Variants in MACF1 observed in about 807,000 individuals in gnomAD.
MACF1 encodes microtubule actin crosslinking factor 1.
A neutral mutation model predicts 854.8 loss-of-function variants in MACF1; 193 were observed. The observed-to-expected ratio is 0.23, with a 90% CI of 0.20 to 0.25. The LOEUF (loss-of-function observed/expected upper bound fraction) is 0.25. Ranked by LOEUF, MACF1 falls within the 10% of genes least tolerant of loss-of-function variation. MACF1 has a pLI of 1.00. For synonymous variants in MACF1, 3,185 were observed against 3,226.7 expected (o/e 0.99, Z 0.44); for missense variants, 7,722 against 8,929.1 (o/e 0.86, Z 5.45).
At chr1:39,177,145 T>C (rs1204436946) in intron 2 of MACF1, among the ~76,000 whole-genome samples, 1 of 152,138 alleles carries the variant, frequency 6.6e-6, no homozygotes, top group Non-Finnish European at 1.5e-5. Flanking sequence ...TTTTATTTAT[T>C]TATTTTTGAG....
Position 39,460,636 on chromosome 1 carries a change from A to G in MACF1, c.21365A>G (p.Lys7122Arg), listed in dbSNP as rs1404154763. Residue 7122 changes from lysine (K) to arginine (R), a missense_variant, in exon 92 of 101, where the codon AAA (lysine) becomes AGA (arginine). Around this residue, in one of 15 missense-constraint regions of MACF1, gnomAD observed 729 missense variants for 900.5 expected, o/e 0.81. Transcript: ENST00000564288. The surrounding 1 kb of genome is among the most constrained non-coding windows in gnomAD (Gnocchi z 4.1). ...NDALDRLEEL[K>R]EFANFDFDVW... is the part of the protein sequence containing the mutation. The stretch of plus-strand genomic sequence containing the variant: ...ACACTTCTGATTTCTGTGTAGTTGA[A>G]AGAATTTGCCAACTTTGACTTTGAT... 6.2e-7 allele frequency: 1 copy of G among 1,614,156 alleles called. No homozygotes were observed. The highest frequency in any genetic ancestry group is 1.7e-5 in the Admixed American group (1 of 60,018).
intron 2 of MACF1, among the ~76,000 whole-genome samples, chr1:39,109,900 G>A (rs987596287): frequency 6.6e-6 from 1 of 152,128 alleles, no homozygotes; most frequent in Non-Finnish European, 1.5e-5. Context: ...AGTTTCTGAA[G>A]TATAGTCACA....
chr1:39,276,243 C>G (rs899127352), intron 6 of MACF1, among the ~76,000 whole-genome samples: 3 of 152,124 alleles, frequency 2.0e-5, no homozygotes, highest in Non-Finnish European at 4.4e-5. Flanking sequence ...TGAAAGTTTT[C>G]AAGGTCTGAT....
At chr1:39,226,435 G>A (rs1224653934) in intron 1 of MACF1, among the ~76,000 whole-genome samples, 1 of 151,934 alleles carries the variant, frequency 6.6e-6, no homozygotes, top group Non-Finnish European at 1.5e-5. Flanking sequence ...CCGCCTCCCA[G>A]GTTGAAGCAG....
intron 2 of MACF1, among the ~76,000 whole-genome samples, chr1:39,161,032 A>T (rs775022584): frequency 2.0e-5 from 3 of 152,162 alleles, no homozygotes; most frequent in Non-Finnish European, 4.4e-5. Context: ...GAGACATTGT[A>T]CAAGTTTTTG....
chr1:39,485,931 T>C lies in MACF1; in HGVS notation c.*137T>C. On this transcript the variant is annotated 3_prime_UTR_variant, in exon 101 of 101. Transcript: ENST00000564288. The stretch of plus-strand genomic sequence containing the variant: ...TTGTGTTATGAAGCTGCCTTATTTT[T>C]TTTCTTTTTGTAAGTTACTATTTTC... The C allele has an allele frequency of 9.4e-7, 1 of 1,063,738 alleles. No individual in the cohort carries two copies. Among genetic ancestry groups the C allele is most frequent in the Non-Finnish European group, 1.2e-6 (1 of 818,856 alleles). 65.9% of individuals were successfully genotyped at this position (1,063,738 alleles called of 1,614,324 possible). A position where few individuals can be genotyped will look rare whatever the true frequency, so the allele number is the denominator to read the frequency against.
intron 1 of MACF1, among the ~76,000 whole-genome samples, chr1:39,217,002 C>G (rs1040246554): frequency 6.6e-6 from 1 of 152,104 alleles, no homozygotes; most frequent in Non-Finnish European, 1.5e-5. Context: ...ATTGCTTAAC[C>G]TTTCTCTAGC....
intron 58 of MACF1, among the ~76,000 whole-genome samples, chr1:39,393,195 A>AT (rs1557627928): frequency 0.065 from 6,117 of 93,870 alleles, 157 homozygotes; most frequent in East Asian, 0.14. Flanking sequence ...AAAAAAAAAA[A>AT]AATATATATA....
In MACF1 at chr1:39,171,223, GTGTGTA is replaced by G. The variant is rs1054435912; in HGVS notation, c.221-59953_221-59948del. Among the ~76,000 whole-genome samples, 8 of 151,898 alleles carry G rather than the reference GTGTGTA, an allele frequency of 5.3e-5. No individual in the cohort carries two copies. In the East Asian group the frequency reaches 7.7e-4, roughly 15 times the overall value. ...TCTGTTTGTGTGTGTGTGTGTGTGT[GTGTGTA>G]TGTGTGTGTGTATTTTTCTCCCGAT... is the stretch of plus-strand genomic sequence containing the variant. On this transcript the variant is annotated intron_variant, in intron 2 of 93. Coordinates refer to the MACF1 transcript ENST00000361689.
chr1:39,313,787 T>C (rs1646350771), intron 26 of MACF1, among the ~76,000 whole-genome samples: 1 of 152,068 alleles, frequency 6.6e-6, no homozygotes, highest in African/African-American at 2.4e-5. Context: ...TTCTTTCTCT[T>C]TTTTTTAAAT....
intron 1 of MACF1, among the ~76,000 whole-genome samples, chr1:39,221,803 G>A (rs1302063306): frequency 6.6e-6 from 1 of 152,140 alleles, no homozygotes; most frequent in Non-Finnish European, 1.5e-5. Flanking sequence ...GTCTGTCACT[G>A]GAGACTTCTA....
intron 1 of MACF1, among the ~76,000 whole-genome samples, chr1:39,210,714 C>T (rs966379451): frequency 3.9e-5 from 6 of 152,074 alleles, no homozygotes; most frequent in African/African-American, 1.2e-4. Flanking sequence ...TGATTCAGTT[C>T]GATCATCTGG....
intron 2 of MACF1, among the ~76,000 whole-genome samples, chr1:39,133,209 G>C (rs1451980833): frequency 6.6e-6 from 1 of 152,162 alleles, no homozygotes; most frequent in Non-Finnish European, 1.5e-5. Flanking sequence ...TTCCACCCTG[G>C]GGCTGGGGGT....
At chr1:39,376,932 T>A (rs1649775318) in intron 52 of MACF1, among the ~76,000 whole-genome samples, 1 of 152,054 alleles carries the variant, frequency 6.6e-6, no homozygotes, top group African/African-American at 2.4e-5. Context: ...TCGTGTTGCC[T>A]AGGCTGGTCT....
At chr1:39,134,979 A>C (rs77926854) in intron 2 of MACF1, among the ~76,000 whole-genome samples, 2,506 of 152,046 alleles carry the variant, frequency 0.016, 72 homozygotes, top group African/African-American at 0.058. Flanking sequence ...CCACAATTCT[A>C]CTTTCTGTTT....
At position 39,287,512 on chromosome 1, in the gene MACF1, G is replaced by C; in HGVS notation, c.1735G>C (p.Gly579Arg). 6.2e-7 allele frequency: 1 copy of C among 1,614,190 alleles called. No individual in the cohort carries two copies. ...GGCCATCAGCTCCTCTGAAGATGAA[G>C]GCAATCTCCGATTTGTGTATGAACT... ...LVAISSSEDE[G>R]NLRFVYELLS... The change falls in exon 15 of 101, where the codon GGC becomes CGC. Residue 579 changes from glycine to arginine, a missense_variant. Gly to Arg is a moderately radical substitution (Grantham distance 125, BLOSUM62 -2). Coordinates refer to ENST00000564288, the MANE Select transcript of MACF1 (RefSeq NM_001394062.1).
chr1:39,274,637 G>C (rs551625066), intron 6 of MACF1, among the ~76,000 whole-genome samples: 1 of 152,254 alleles, frequency 6.6e-6, no homozygotes, highest in Admixed American at 6.5e-5. Flanking sequence ...ATCTGAGGGA[G>C]GTCCTAGAAC....
At chr1:39,456,684 T>C (rs966362620) in intron 89 of MACF1, 1 of 152,296 alleles carries the variant, frequency 6.6e-6, no homozygotes, top group African/African-American at 2.4e-5. Flanking sequence ...AGTCTCTCCC[T>C]GTTTATTCTT....
chr1:39,261,037 A>C (rs1645158385), intron 6 of MACF1, among the ~76,000 whole-genome samples: 1 of 152,172 alleles, frequency 6.6e-6, no homozygotes, highest in South Asian at 2.1e-4. Flanking sequence ...TAAGCCACAA[A>C]TTCAATACAC....
Sources: allele counts gnomAD v4.1 joint callset (sites outside exome capture counted in the v4.1 genomes callset), GRCh38; gene constraint gnomAD v4.1.1; regional missense constraint gnomAD v4.1.1; non-coding constraint Gnocchi (gnomAD v3.1); transcripts MANE v1.5; gene names NCBI Gene and HGNC (gene_info 2026-07-23, HGNC 2026-07-21).